Variants in GPR55 observed in about 807,000 individuals in gnomAD.
The protein encoded by GPR55 is G protein-coupled receptor 55.
In GPR55, 6 loss-of-function variants were observed where a neutral mutation model predicts 7.9. The observed-to-expected ratio is 0.76, with a 90% CI of 0.41 to 1.49. GPR55 has a LOEUF of 1.49. Ranked by LOEUF, GPR55 falls within the 40% of genes most tolerant of loss-of-function variation. The pLI is 0.01. For missense variants in GPR55, 376 were observed against 406.0 expected (o/e 0.93, Z 0.63); for synonymous variants, 183 against 166.8 (o/e 1.10, Z -0.75).
chr2:230,933,732 C>G (rs931654424), intron 1 of GPR55, among the ~76,000 whole-genome samples: 13 of 152,238 alleles, frequency 8.5e-5, no homozygotes, highest in African/African-American at 3.1e-4. Context: ...GCATTCCCCA[C>G]TCCTGGAAGT....
Position 230,910,963 on chromosome 2 carries a change from G to A in GPR55, c.-1C>T, listed in dbSNP as rs1690580020. ...CCCCACTGGTGTTTTGCTGACTCAT[G>A]TTTCTTCCTACAACACCAACAGATC... On this transcript the variant is annotated 5_prime_UTR_variant, in exon 2 of 2. Transcript: ENST00000650999. The surrounding 1 kb of genome is among the most constrained non-coding windows in gnomAD (Gnocchi z 5.4). The A allele has an allele frequency of 6.3e-7, 1 of 1,590,842 alleles. No individual in the cohort carries two copies. Among genetic ancestry groups the A allele is most frequent in the Non-Finnish European group, 8.6e-7 (1 of 1,164,518 alleles).
At chr2:230,946,751 A>G (rs2125068093) in intron 1 of GPR55, among the ~76,000 whole-genome samples, 1 of 152,334 alleles carries the variant, frequency 6.6e-6, no homozygotes, top group South Asian at 2.1e-4. Context: ...AGCTGGGGCC[A>G]AGTTTCCACT....
intron 1 of GPR55, among the ~76,000 whole-genome samples, chr2:230,943,001 T>TGAAGAGAAGAGAAGA (rs10652349): frequency 1.3e-5 from 2 of 149,472 alleles, no homozygotes; most frequent in African/African-American, 5.0e-5. Flanking sequence ...CCTTGTGACC[T>TGAAGAGAAGAGAAGA]GAAGAGAAGA....
intron 1 of GPR55, among the ~76,000 whole-genome samples, chr2:230,948,296 A>G (rs1691350109): frequency 6.7e-6 from 1 of 150,368 alleles, no homozygotes; most frequent in Admixed American, 6.6e-5. Flanking sequence ...AGCCTCCCCC[A>G]CTCCTTCCTC....
chr2:230,917,569 A>G (rs146563364), intron 1 of GPR55, among the ~76,000 whole-genome samples: 161 of 152,278 alleles, frequency 1.1e-3, no homozygotes, highest in Middle Eastern at 0.01. Context: ...GCACTTTGGG[A>G]GGCAAAGGAG....
rs1015281608 is a variant in GPR55, at chr2:230,907,622, A to G, written c.*2381T>C. ...ACACCCACAGGTCCATAGTTGTCAC[A>G]TCACACTGAGACTGCTGATACCCTC... is the stretch of plus-strand genomic sequence containing the variant. On this transcript the variant is annotated 3_prime_UTR_variant, in exon 2 of 2. Coordinates refer to ENST00000650999, the MANE Select transcript of GPR55 (RefSeq NM_005683.4). 2.6e-5 allele frequency: 4 copies of G among 152,214 alleles called. No homozygotes were observed. Among genetic ancestry groups the G allele is most frequent in the Admixed American group, 1.3e-4 (2 of 15,282 alleles). The allele number at this position is 152,214 out of a possible 1,614,324, so 9.4% of individuals were successfully genotyped here.
At chr2:230,915,524 C>G (rs1401524905) in intron 1 of GPR55, among the ~76,000 whole-genome samples, 6 of 152,116 alleles carry the variant, frequency 3.9e-5, no homozygotes, top group African/African-American at 1.4e-4. Context: ...GAAAGGACCC[C>G]AAACCATTGT....
At chr2:230,932,106 C>G (rs187523054) in intron 1 of GPR55, among the ~76,000 whole-genome samples, 1 of 152,332 alleles carries the variant, frequency 6.6e-6, no homozygotes, top group African/African-American at 2.4e-5. Context: ...AGCTCCTTGT[C>G]CTACAAACCA....
intron 1 of GPR55, among the ~76,000 whole-genome samples, chr2:230,943,755 C>G (rs530421356): frequency 6.6e-6 from 1 of 152,162 alleles, no homozygotes; most frequent in Non-Finnish European, 1.5e-5. Flanking sequence ...CTTGCGAGAT[C>G]TGGCTGTTTG....
At position 230,923,541 on chromosome 2, in the gene GPR55, A is replaced by C. The variant is rs1422670897; in HGVS notation, c.-135+1627T>G. On this transcript the variant is annotated intron_variant, in intron 1 of 1. Transcript: ENST00000650999. This position sits in a 1 kb window ranked among gnomAD's most constrained non-coding sequence, Gnocchi z 4.1. ...CGATAGAAGAAGGAACAGGACACAG[A>C]GGGGACAGAGCACATGACCACAATC... Among the ~76,000 whole-genome samples the C allele has an allele frequency of 1.3e-5, 2 of 150,226 alleles. No individual in the cohort carries two copies. The highest frequency in any genetic ancestry group is 4.9e-5 in the African/African-American group (2 of 40,816).
At chr2:230,915,907 C>T (rs1052229767) in intron 1 of GPR55, among the ~76,000 whole-genome samples, 5 of 151,932 alleles carry the variant, frequency 3.3e-5, no homozygotes, top group African/African-American at 1.2e-4. Flanking sequence ...AAAACAACCG[C>T]CCCAAAACTT....
At chr2:230,959,356 G>A (rs996662946) in intron 1 of GPR55, among the ~76,000 whole-genome samples, 6 of 152,120 alleles carry the variant, frequency 3.9e-5, no homozygotes, top group African/African-American at 1.2e-4. Context: ...GCTGAGACAA[G>A]AGGATCACCT....
Position 230,957,576 on chromosome 2 carries a change from G to A in GPR55, c.-135+3199C>T, listed in dbSNP as rs996330407. ...GCGCCGGCGGTGCTGGGCGGGTGGA[G>A]GCGGGGAGTCGTCCCCGTGGCCGCC... On this transcript the variant is annotated intron_variant, in intron 1 of 1. Coordinates refer to the GPR55 transcript ENST00000392039. 11 of 410,930 alleles carry A rather than the reference G, an allele frequency of 2.7e-5. No homozygotes were observed. The Admixed American group carries it at 2.9e-4, about 11-fold the overall frequency. The allele number at this position is 410,930 out of a possible 1,614,324, so 25.5% of individuals were successfully genotyped here.
chr2:230,913,205 C>T (rs1690632464), intron 1 of GPR55, among the ~76,000 whole-genome samples: 1 of 152,118 alleles, frequency 6.6e-6, no homozygotes, highest in East Asian at 1.9e-4. Context: ...ACAATGAATT[C>T]CACAATAAGC....
Position 230,960,496 on chromosome 2 carries a change from GA to G in GPR55, c.-135+278del, listed in dbSNP as rs374008827. On this transcript the variant is annotated intron_variant, in intron 1 of 1. Transcript: ENST00000392039. ...ATGTTTTCCTATAGTCTTTAGCAAG[GA>G]AAAAAAAATACCTTGGGAAGGAGAA... 8.6e-3 allele frequency among the ~76,000 whole-genome samples: 1,284 copies of G among 149,606 alleles called. 17 individuals carry two copies. Among genetic ancestry groups the G allele is most frequent in the African/African-American group, 0.029 (1,191 of 40,824 alleles).
intron 1 of GPR55, among the ~76,000 whole-genome samples, chr2:230,921,380 G>C (rs1051951610): frequency 2.0e-5 from 3 of 152,144 alleles, no homozygotes; most frequent in African/African-American, 7.2e-5. Context: ...TAGAAGAATA[G>C]AAGTGTCTTT....
chr2:230,958,159 G>A (rs370103517), intron 1 of GPR55, among the ~76,000 whole-genome samples: 2 of 152,188 alleles, frequency 1.3e-5, no homozygotes, highest in South Asian at 4.2e-4. Context: ...TAAAACTCAG[G>A]ATAGTGAAAC....
chr2:230,941,520 C>G (rs899512078), intron 1 of GPR55, among the ~76,000 whole-genome samples: 3 of 152,228 alleles, frequency 2.0e-5, no homozygotes, highest in Admixed American at 6.5e-5. Flanking sequence ...TTCCCACACT[C>G]GGTCTCCTGG....
At chr2:230,935,769 G>T (rs556743295) in intron 1 of GPR55, among the ~76,000 whole-genome samples, 2 of 152,332 alleles carry the variant, frequency 1.3e-5, no homozygotes, top group African/African-American at 2.4e-5. Context: ...CTTGGAAAAA[G>T]AAGTGTTTTG....
Sources: gnomAD v4.1 joint callset for allele counts (sites outside exome capture counted in the v4.1 genomes callset) on GRCh38, gnomAD v4.1.1 for gene constraint, Gnocchi (gnomAD v3.1) non-coding constraint, MANE v1.5 for transcripts, NCBI Gene and HGNC (gene_info 2026-07-23, HGNC 2026-07-21) for gene names.